The following UVRAG variants were observed in gnomAD, a reference collection of about 807,000 sequenced individuals.
The protein encoded by UVRAG is UV radiation resistance associated.
In UVRAG, 19 loss-of-function variants were observed where a neutral mutation model predicts 78.0. The ratio of observed to expected loss-of-function variants is 0.24; its 90% confidence interval spans 0.17 to 0.36. UVRAG has a LOEUF of 0.36. UVRAG is among the 10% of genes least tolerant of loss of function. The pLI is 1.00. For missense variants in UVRAG, 740 were observed against 853.8 expected, an observed-to-expected ratio of 0.87 and a Z score of 1.66; for synonymous variants, 323 against 324.6, an observed-to-expected ratio of 1.00 and a Z score of 0.05.
At chr11:75,860,941 A>T (rs1479949314) in intron 2 of UVRAG, among the ~76,000 whole-genome samples, 4 of 152,164 alleles carry the variant, frequency 2.6e-5, no homozygotes, top group Admixed American at 2.6e-4. Context: ...ATGTGCCACC[A>T]CACCTAATTT....
intron 1 of UVRAG, among the ~76,000 whole-genome samples, chr11:75,842,880 C>A (rs66784596): frequency 0.19 from 29,337 of 152,102 alleles, 4,343 homozygotes; most frequent in African/African-American, 0.41. Flanking sequence ...TTCCTTGTGG[C>A]CCTGGGAGTT....
intron 3 of UVRAG, among the ~76,000 whole-genome samples, chr11:75,867,908 A>G (rs1294045694): frequency 6.6e-6 from 1 of 152,232 alleles, no homozygotes; most frequent in Admixed American, 6.5e-5. Context: ...GCCTAACTTA[A>G]TATCAAACAC....
intron 12 of UVRAG, among the ~76,000 whole-genome samples, chr11:76,022,858 C>G (rs2135383759): frequency 6.6e-6 from 1 of 152,194 alleles, no homozygotes. Flanking sequence ...TTACTGCCTT[C>G]TTTTGTGCTT....
intron 4 of UVRAG, among the ~76,000 whole-genome samples, chr11:75,886,580 T>C (rs1230217167): frequency 1.3e-5 from 2 of 152,270 alleles, no homozygotes; most frequent in African/African-American, 4.8e-5. Context: ...GATTGATTTA[T>C]AGTTTTTATT....
At chr11:75,850,833 G>A (rs529791180) in intron 1 of UVRAG, among the ~76,000 whole-genome samples, 3 of 152,272 alleles carry the variant, frequency 2.0e-5, no homozygotes, top group South Asian at 2.1e-4. Context: ...CATACTTAGA[G>A]GATTAAACAA....
intron 12 of UVRAG, among the ~76,000 whole-genome samples, chr11:76,030,921 AT>A (rs1193710175): frequency 2.0e-4 from 30 of 152,278 alleles, no homozygotes; most frequent in African/African-American, 7.0e-4. Flanking sequence ...CAGGTAGTGT[AT>A]TTGAGTTATT....
chr11:76,133,236 A>G (rs1215770986), intron 14 of UVRAG, among the ~76,000 whole-genome samples: 1 of 152,190 alleles, frequency 6.6e-6, no homozygotes, highest in Non-Finnish European at 1.5e-5. Context: ...TGCAGTAACT[A>G]TTGGTAGCTA....
chr11:76,062,389 T>C (rs758716957), intron 12 of UVRAG, among the ~76,000 whole-genome samples: 4 of 152,228 alleles, frequency 2.6e-5, no homozygotes, highest in Non-Finnish European at 5.9e-5. Context: ...CCTTCTCTAC[T>C]TGGCTGCCTG....
chr11:76,010,648 T>TATAAA lies in UVRAG; in HGVS notation c.1060+1785_1060+1786insAATAA, dbSNP rs369690149. On this transcript the variant is annotated intron_variant, in intron 11 of 14. Transcript: ENST00000356136. The stretch of plus-strand genomic sequence containing the variant: ...CATGTAATCTTTCAGCTTAATTTCT[T>TATAAA]ATAAGATATCTATATCTGTAATTTC... Among the ~76,000 whole-genome samples, 1,379 of 152,320 alleles carry TATAAA rather than the reference T, an allele frequency of 9.1e-3. 22 individuals are homozygous for TATAAA. The highest frequency in any genetic ancestry group is 0.032 in the African/African-American group (1,311 of 41,558).
At chr11:75,937,455 TC>T (rs1407455158) in intron 6 of UVRAG, among the ~76,000 whole-genome samples, 4 of 152,248 alleles carry the variant, frequency 2.6e-5, no homozygotes, top group African/African-American at 4.8e-5. Context: ...GTAATTGAAC[TC>T]TTTCAGTATG....
chr11:75,860,960 T>G (rs558447670), intron 2 of UVRAG, among the ~76,000 whole-genome samples: 2 of 152,218 alleles, frequency 1.3e-5, no homozygotes, highest in East Asian at 3.9e-4. Flanking sequence ...TTTTGTATTT[T>G]TAGTAGAGAT....
intron 14 of UVRAG, among the ~76,000 whole-genome samples, chr11:76,135,863 C>G (rs1351573613): frequency 6.6e-6 from 1 of 152,188 alleles, no homozygotes; most frequent in African/African-American, 2.4e-5. Flanking sequence ...ACTGTGTTTC[C>G]TAATATGTCC....
At chr11:75,842,442 C>CTT (rs11316075) in intron 1 of UVRAG, among the ~76,000 whole-genome samples, 29 of 134,216 alleles carry the variant, frequency 2.2e-4, no homozygotes, top group East Asian at 6.5e-4. Context: ...CCTTTTCTTT[C>CTT]TTTTTTTTTT....
At chr11:75,957,784 G>A (rs1313523828) in intron 6 of UVRAG, among the ~76,000 whole-genome samples, 1 of 152,056 alleles carries the variant, frequency 6.6e-6, no homozygotes, top group Non-Finnish European at 1.5e-5. Context: ...GTTTTTTGAT[G>A]CTGTCATTAA....
chr11:75,843,256 A>G (rs765140447), intron 1 of UVRAG, among the ~76,000 whole-genome samples: 1 of 152,206 alleles, frequency 6.6e-6, no homozygotes, highest in African/African-American at 2.4e-5. Flanking sequence ...TTAAGGTTCA[A>G]AACTGTATCA....
At chr11:75,874,234 T>G (rs1347097822) in intron 3 of UVRAG, among the ~76,000 whole-genome samples, 1 of 152,064 alleles carries the variant, frequency 6.6e-6, no homozygotes, top group Admixed American at 6.5e-5. Context: ...CCCGCCTTTG[T>G]TCTAAATTCT....
intron 6 of UVRAG, chr11:75,935,167 A>G (rs1223093654): frequency 2.0e-5 from 3 of 152,246 alleles, no homozygotes; most frequent in Non-Finnish European, 4.4e-5. Flanking sequence ...GTGTCAGAAG[A>G]CAGGGAAGTA....
intron 4 of UVRAG, among the ~76,000 whole-genome samples, chr11:75,881,807 T>C (rs1421962142): frequency 6.6e-6 from 1 of 152,228 alleles, no homozygotes. Context: ...TCATCAGATA[T>C]AGATTATTAT....
chr11:76,143,088 T>G lies in UVRAG; in HGVS notation c.*1675T>G, dbSNP rs561152954. The stretch of plus-strand genomic sequence containing the variant: ...CTAGAGCAGGAGCTTCTCTGCAGTG[T>G]ACTGTCTGTCGCTCATTTTGGAGTC... On this transcript the variant is annotated 3_prime_UTR_variant, in exon 15 of 15. Coordinates refer to ENST00000356136, the MANE Select transcript of UVRAG (RefSeq NM_003369.4). 6.6e-6 allele frequency: 1 copy of G among 152,388 alleles called. No individual in the cohort carries two copies. The highest frequency in any genetic ancestry group is 1.9e-4 in the East Asian group (1 of 5,180). The allele number at this position is 152,388 out of a possible 1,614,324, so 9.4% of individuals were successfully genotyped here. A position where few individuals can be genotyped will look rare whatever the true frequency, so the allele number is the denominator to read the frequency against.
Sources: allele counts gnomAD v4.1 joint callset (sites outside exome capture counted in the v4.1 genomes callset), GRCh38; gene constraint gnomAD v4.1.1; transcripts MANE v1.5; gene names NCBI Gene and HGNC (gene_info 2026-07-23, HGNC 2026-07-21).